Variants in HYDIN observed in about 807,000 individuals in gnomAD.
HYDIN encodes axonemal central pair apparatus protein HYDIN.
In HYDIN, 132 loss-of-function variants were observed where a neutral mutation model predicts 403.9. The observed-to-expected ratio is 0.33, with a 90% CI of 0.28 to 0.38. HYDIN has a LOEUF of 0.38. Ranked by LOEUF, HYDIN falls within the 10% of genes least tolerant of loss-of-function variation. The pLI, the probability that HYDIN is intolerant of heterozygous loss-of-function variation, is 1.00. For synonymous variants in HYDIN, 1,202 were observed against 1,891.7 expected, an observed-to-expected ratio of 0.64 and a Z score of 9.46; for missense variants, 2,827 against 5,009.5, an observed-to-expected ratio of 0.56 and a Z score of 13.15.
At position 70,837,626 on chromosome 16, in the gene HYDIN, A is replaced by T; in HGVS notation, c.13242+64T>A. 3 of 1,593,048 alleles carry T rather than the reference A, an allele frequency of 1.9e-6. No homozygotes were observed. The South Asian group carries it at 3.4e-5, about 18-fold the overall frequency. On this transcript the variant is annotated intron_variant, in intron 77 of 85. Transcript: ENST00000393567. Reference sequence around the variant, plus strand: ...GAAGGGTGAAGGGGTTCTGGGGGGCAAAGAAGGATGAGAAGGGTAGAAAGG... The same window carrying T: ...GAAGGGTGAAGGGGTTCTGGGGGGCTAAGAAGGATGAGAAGGGTAGAAAGG...
intron 52 of HYDIN, among the ~76,000 whole-genome samples, chr16:70,902,794 A>AAT (rs1264288990): frequency 0.016 from 983 of 60,696 alleles, 6 homozygotes; most frequent in East Asian, 0.027. Context: ...CTACTCTTTA[A>AAT]ATATATATAT....
chr16:71,168,472 T>C (rs2086335112), intron 5 of HYDIN, among the ~76,000 whole-genome samples: 1 of 149,796 alleles, frequency 6.7e-6, no homozygotes, highest in Non-Finnish European at 1.5e-5. Flanking sequence ...TCAGCTACGT[T>C]ATAAAAGGAA....
chr16:71,195,399 T>C (rs1003326706), intron 1 of HYDIN, among the ~76,000 whole-genome samples: 2 of 152,214 alleles, frequency 1.3e-5, no homozygotes, highest in African/African-American at 2.4e-5. Flanking sequence ...AGGGCTACTA[T>C]ACTCTGGAAT....
chr16:71,102,191 A>G (rs1229150897), intron 10 of HYDIN, among the ~76,000 whole-genome samples: 2 of 151,984 alleles, frequency 1.3e-5, no homozygotes, highest in African/African-American at 4.8e-5. Context: ...TTTTAAATGG[A>G]TAGTTACCTC....
At chr16:70,862,315 G>C in intron 68 of HYDIN, 60 bp from the exon 69 acceptor site, 1 of 1,084,240 alleles carries the variant, frequency 9.2e-7, no homozygotes, top group Admixed American at 2.3e-5. Context: ...AGGTGGAAGG[G>C]AGCCCACTTA....
chr16:71,042,344 G>A (rs1437755432), intron 18 of HYDIN, among the ~76,000 whole-genome samples: 2 of 151,778 alleles, frequency 1.3e-5, no homozygotes, highest in East Asian at 3.9e-4. Flanking sequence ...TTTTGGATTT[G>A]CCTCTATATT....
intron 6 of HYDIN, among the ~76,000 whole-genome samples, chr16:71,161,464 G>C (rs1424435667): frequency 6.6e-6 from 1 of 152,172 alleles, no homozygotes; most frequent in Non-Finnish European, 1.5e-5. Context: ...TGTCTACACT[G>C]TGGTTAGTCC....
At chr16:71,116,047 C>A (rs929101233) in intron 9 of HYDIN, among the ~76,000 whole-genome samples, 5 of 151,978 alleles carry the variant, frequency 3.3e-5, no homozygotes, top group African/African-American at 1.2e-4. Flanking sequence ...ACTCTCTTAG[C>A]AAGTACCCAA....
At chr16:71,220,087 A>C (rs1427707423) in intron 1 of HYDIN, among the ~76,000 whole-genome samples, 1 of 152,198 alleles carries the variant, frequency 6.6e-6, no homozygotes, top group Non-Finnish European at 1.5e-5. Flanking sequence ...CAGAAGATTA[A>C]CATAAACATA....
At chr16:71,167,694 C>T (rs1597930360) in intron 5 of HYDIN, among the ~76,000 whole-genome samples, 1 of 151,848 alleles carries the variant, frequency 6.6e-6, no homozygotes. Context: ...GTTCTTTAAA[C>T]AAGTCCCTTA....
intron 3 of HYDIN, among the ~76,000 whole-genome samples, chr16:71,181,786 C>T (rs2086914258): frequency 6.6e-6 from 1 of 151,978 alleles, no homozygotes; most frequent in African/African-American, 2.4e-5. Context: ...GTATGCTGAA[C>T]ATAGTGAACA....
chr16:70,944,532 G>A (rs1009246721), intron 41 of HYDIN, among the ~76,000 whole-genome samples: 5 of 152,112 alleles, frequency 3.3e-5, no homozygotes, highest in East Asian at 1.9e-4. Context: ...CTCTTTCAAC[G>A]CAAGTGTGCT....
chr16:71,206,406 A>G (rs2088302699), intron 1 of HYDIN, among the ~76,000 whole-genome samples: 1 of 152,190 alleles, frequency 6.6e-6, no homozygotes, highest in Non-Finnish European at 1.5e-5. Context: ...AAAGGCATCA[A>G]AGAAAATAAA....
At chr16:71,229,472 GTT>G (rs1367587491) in intron 1 of HYDIN, among the ~76,000 whole-genome samples, 2 of 152,094 alleles carry the variant, frequency 1.3e-5, no homozygotes, top group Non-Finnish European at 2.9e-5. Context: ...ATTTATAACA[GTT>G]TTACTTATTA....
chr16:71,189,862 A>G (rs2087342133), intron 1 of HYDIN, among the ~76,000 whole-genome samples: 1 of 152,052 alleles, frequency 6.6e-6, no homozygotes, highest in Non-Finnish European at 1.5e-5. Context: ...CTTATCATTT[A>G]TCCAGTAGTC....
intron 6 of HYDIN, among the ~76,000 whole-genome samples, chr16:71,160,125 C>T (rs1399666940): frequency 9.9e-6 from 1 of 100,946 alleles, no homozygotes; most frequent in Non-Finnish European, 1.8e-5. Flanking sequence ...CCAGAAAATA[C>T]CTAGAAAGAC....
At chr16:70,946,528 G>T (rs1313640558) in intron 41 of HYDIN, among the ~76,000 whole-genome samples, 1 of 152,142 alleles carries the variant, frequency 6.6e-6, no homozygotes, top group East Asian at 1.9e-4. Context: ...GGTTTGCCAG[G>T]GTTGAAGCTT....
At chr16:71,216,177 G>A (rs1033962374) in intron 1 of HYDIN, among the ~76,000 whole-genome samples, 1 of 152,170 alleles carries the variant, frequency 6.6e-6, no homozygotes, top group African/African-American at 2.4e-5. Flanking sequence ...ACTGTTCATA[G>A]CAGTGTTATT....
intron 60 of HYDIN, among the ~76,000 whole-genome samples, chr16:70,882,121 G>T (rs2040845148): frequency 1.3e-5 from 2 of 152,268 alleles, no homozygotes; most frequent in Non-Finnish European, 2.9e-5. Context: ...CTAGGGGAAG[G>T]ATTTAGCTTT....
Sources: gnomAD v4.1 joint callset for allele counts (sites outside exome capture counted in the v4.1 genomes callset) on GRCh38, gnomAD v4.1.1 for gene constraint, MANE v1.5 for transcripts, NCBI Gene and HGNC (gene_info 2026-07-23, HGNC 2026-07-21) for gene names.